USP25: variants seen among roughly 807,000 people sequenced by gnomAD.
USP25 encodes the protein ubiquitin carboxyl-terminal hydrolase 25.
In USP25, 85 loss-of-function variants were observed where a neutral mutation model predicts 158.5. The observed-to-expected ratio is 0.54, with a 90% CI of 0.45 to 0.64. The LOEUF is 0.64. Ranked by LOEUF, USP25 falls within the 30% of genes least tolerant of loss-of-function variation. The pLI is 0.00. For missense variants in USP25, 1,242 were observed against 1,327.3 expected (o/e 0.94, Z 1.00); for synonymous variants, 464 against 460.4 (o/e 1.01, Z -0.10).
chr21:15,879,839 T>A lies in USP25; in HGVS notation c.*1364T>A, dbSNP rs576100244. 3.3e-5 allele frequency: 5 copies of A among 152,668 alleles called. No individual in the cohort carries two copies. The East Asian group carries it at 9.6e-4, about 29-fold the overall frequency. 9.5% of individuals were successfully genotyped at this position (152,668 alleles called of 1,614,324 possible). A position where few individuals can be genotyped will look rare whatever the true frequency, so the allele number is the denominator to read the frequency against. On this transcript the variant is annotated 3_prime_UTR_variant, in exon 26 of 26. Transcript: ENST00000400183. The stretch of plus-strand genomic sequence containing the variant: ...ATGATGCTGTTTGTAAAGGTATTAA[T>A]GTACTAGTAAGGTGTTAATGACAAG...
intron 20 of USP25, among the ~76,000 whole-genome samples, chr21:15,860,281 T>C (rs2039368660): frequency 6.6e-6 from 1 of 151,960 alleles, no homozygotes; most frequent in African/African-American, 2.4e-5. Context: ...GCCTCCCGAG[T>C]AGCTGGGATT....
At chr21:15,851,242 A>G (rs2038873387) in intron 20 of USP25, among the ~76,000 whole-genome samples, 1 of 152,174 alleles carries the variant, frequency 6.6e-6, no homozygotes, top group Non-Finnish European at 1.5e-5. Flanking sequence ...TGCAAATCTC[A>G]TTTTTATTAA....
chr21:15,821,793 C>G (rs1250308436), intron 10 of USP25, among the ~76,000 whole-genome samples: 1 of 151,754 alleles, frequency 6.6e-6, no homozygotes, highest in Non-Finnish European at 1.5e-5. Flanking sequence ...TTTTTTCTCT[C>G]CACATTTGTG....
chr21:15,770,135 T>C (rs943436337), intron 3 of USP25, among the ~76,000 whole-genome samples: 1 of 152,122 alleles, frequency 6.6e-6, no homozygotes, highest in Non-Finnish European at 1.5e-5. Context: ...CTTTTATTCT[T>C]AGGATAATTC....
chr21:15,818,246 T>A (rs1363625272), intron 9 of USP25, among the ~76,000 whole-genome samples: 1 of 152,190 alleles, frequency 6.6e-6, no homozygotes, highest in Non-Finnish European at 1.5e-5. Flanking sequence ...CATAATTCTG[T>A]CTCATCACAA....
intron 20 of USP25, among the ~76,000 whole-genome samples, chr21:15,852,569 T>C (rs1422950262): frequency 6.6e-6 from 1 of 152,166 alleles, no homozygotes; most frequent in East Asian, 1.9e-4. Flanking sequence ...TTATCTTATG[T>C]GTCCAGTTCT....
intron 2 of USP25, among the ~76,000 whole-genome samples, chr21:15,764,753 G>A (rs939560129): frequency 1.3e-5 from 2 of 152,070 alleles, no homozygotes; most frequent in Admixed American, 6.6e-5. Flanking sequence ...TAACAATAGT[G>A]TATCTTACAT....
chr21:15,746,145 A>C (rs755985605), intron 1 of USP25, among the ~76,000 whole-genome samples: 28 of 152,178 alleles, frequency 1.8e-4, no homozygotes, highest in Non-Finnish European at 3.7e-4. Context: ...TGTTCTTGTT[A>C]GAAATTTGTT....
At chr21:15,850,243 T>A (rs1258046034) in intron 20 of USP25, among the ~76,000 whole-genome samples, 1 of 152,096 alleles carries the variant, frequency 6.6e-6, no homozygotes, top group East Asian at 1.9e-4. Flanking sequence ...GTTCATATTA[T>A]TGGTCAATAT....
intron 20 of USP25, among the ~76,000 whole-genome samples, chr21:15,855,860 C>T (rs1015744115): frequency 3.9e-5 from 6 of 152,222 alleles, no homozygotes; most frequent in African/African-American, 1.4e-4. Flanking sequence ...ATCTGGACTT[C>T]TAACAACATA....
intron 2 of USP25, among the ~76,000 whole-genome samples, chr21:15,765,043 G>A (rs1202602930): frequency 3.3e-5 from 5 of 152,048 alleles, no homozygotes; most frequent in Non-Finnish European, 5.9e-5. Context: ...AATACATGGA[G>A]TAAACTTTTT....
intron 17 of USP25, 36 bp from the exon 18 acceptor site, chr21:15,842,362 T>C (rs763401225): frequency 1.9e-6 from 3 of 1,601,130 alleles, no homozygotes; most frequent in Non-Finnish European, 1.7e-6. Flanking sequence ...CTCTGTGGTT[T>C]ATATTAGATA....
At chr21:15,762,856 A>G (rs754237288) in intron 1 of USP25, 35 bp from the exon 2 acceptor site, 2 of 1,576,372 alleles carry the variant, frequency 1.3e-6, no homozygotes, top group East Asian at 2.3e-5. Context: ...TTCAGAGTTG[A>G]GAATATAATG....
intron 4 of USP25, among the ~76,000 whole-genome samples, chr21:15,783,952 A>G (rs2035124391): frequency 6.6e-6 from 1 of 152,006 alleles, no homozygotes; most frequent in South Asian, 2.1e-4. Context: ...CCTGGGCGAC[A>G]GAGCGAGACT....
intron 21 of USP25, among the ~76,000 whole-genome samples, chr21:15,865,163 C>T (rs1164877338): frequency 6.6e-6 from 1 of 151,908 alleles, no homozygotes; most frequent in Non-Finnish European, 1.5e-5. Flanking sequence ...TTCAGAAAGT[C>T]CTATTAAACT....
In USP25 at chr21:15,864,343, C is replaced by T. The variant is rs2039564689; in HGVS notation, c.2623C>T (p.His875Tyr). The T allele has an allele frequency of 6.2e-7, 1 of 1,613,588 alleles. No homozygotes were observed. The highest frequency in any genetic ancestry group is 1.1e-5 in the South Asian group (1 of 90,950). ...CCCACCAGAAACCGATTATCGTTTA[C>T]ATCATGTAGTGGTCTACTTTATCCA... Reference protein sequence around the residue: ...DTPPETDYRLHHVVVYFIQNQ... With the variant: ...DTPPETDYRLYHVVVYFIQNQ... Residue 875 changes from histidine (H) to tyrosine (Y), a missense_variant, in exon 21 of 26, where the codon CAT becomes TAT. By Grantham distance (83) the His-to-Tyr change is moderately conservative. Coordinates refer to ENST00000400183, the MANE Select transcript of USP25 (RefSeq NM_001283041.3).
chr21:15,868,941 A>G (rs1256120519), intron 22 of USP25, among the ~76,000 whole-genome samples: 1 of 152,214 alleles, frequency 6.6e-6, no homozygotes, highest in Non-Finnish European at 1.5e-5. Flanking sequence ...CATGAAAATT[A>G]TGTCTTGAAA....
chr21:15,860,176 G>A (rs200553030), intron 20 of USP25, among the ~76,000 whole-genome samples: 6 of 151,722 alleles, frequency 4.0e-5, no homozygotes, highest in East Asian at 3.9e-4. Context: ...TGTTTGAGAC[G>A]GAGTCTCACA....
intron 3 of USP25, among the ~76,000 whole-genome samples, chr21:15,771,728 C>A (rs2034366844): frequency 6.6e-6 from 1 of 151,352 alleles, no homozygotes; most frequent in African/African-American, 2.4e-5. Context: ...CCCAAAACAA[C>A]CATTTGGTTT....
Sources: gnomAD v4.1 joint callset for allele counts (sites outside exome capture counted in the v4.1 genomes callset) on GRCh38, gnomAD v4.1.1 for gene constraint, MANE v1.5 for transcripts, NCBI Gene and HGNC (gene_info 2026-07-23, HGNC 2026-07-21) for gene names.